NRXN1: variants seen among roughly 807,000 people sequenced by gnomAD.
The protein encoded by NRXN1 is neurexin 1.
NRXN1 carries 39 observed loss-of-function variants against 150.9 expected under a neutral mutation model. That is an observed-to-expected ratio of 0.26 (90% confidence interval 0.20 to 0.34). The LOEUF (loss-of-function observed/expected upper bound fraction) is 0.34, where lower values mean the gene tolerates loss of function less well. NRXN1 is among the 10% of genes least tolerant of loss of function. The pLI, the probability that NRXN1 is intolerant of heterozygous loss-of-function variation, is 1.00. For synonymous variants in NRXN1, 924 were observed against 757.0 expected (o/e 1.22, Z -3.62); for missense variants, 1,815 against 1,949.9 (o/e 0.93, Z 1.30).
chr2:51,026,469 T>C lies in NRXN1; in HGVS notation c.772+1033A>G, dbSNP rs747820384. The C allele has an allele frequency of 1.3e-6, 2 of 1,591,024 alleles. No individual in the cohort carries two copies. Among genetic ancestry groups the C allele is most frequent in the Non-Finnish European group, 1.7e-6 (2 of 1,165,234 alleles). On this transcript the variant is annotated intron_variant, in intron 2 of 22. Coordinates refer to ENST00000401669, the MANE Select transcript of NRXN1 (RefSeq NM_001330078.2). ...AACACACTGAAGACCGAATTTTATT[T>C]CTAAAGAGGAGAAAAGAGAACTTAG...
At chr2:50,878,816 T>C (rs1251733401) in intron 5 of NRXN1, among the ~76,000 whole-genome samples, 1 of 151,984 alleles carries the variant, frequency 6.6e-6, no homozygotes, top group African/African-American at 2.4e-5. Context: ...GAGTTTTTCC[T>C]TCCCCAGGGA....
At chr2:50,477,183 G>C (rs2090060018) in intron 15 of NRXN1, among the ~76,000 whole-genome samples, 1 of 152,048 alleles carries the variant, frequency 6.6e-6, no homozygotes, top group Non-Finnish European at 1.5e-5. Context: ...TATTTATTAA[G>C]TTATGTAAAT....
At chr2:50,942,492 G>T (rs913337106) in intron 2 of NRXN1, among the ~76,000 whole-genome samples, 1 of 152,182 alleles carries the variant, frequency 6.6e-6, no homozygotes, top group Admixed American at 6.5e-5. Context: ...ACCCTACAGA[G>T]CCATGGAGGT....
At chr2:50,244,151 A>T (rs533150826) in intron 17 of NRXN1, among the ~76,000 whole-genome samples, 1 of 152,030 alleles carries the variant, frequency 6.6e-6, no homozygotes, top group East Asian at 1.9e-4. Flanking sequence ...ATTTTATCAC[A>T]TTTTGATGTT....
chr2:50,973,023 C>A (rs941827652), intron 2 of NRXN1, among the ~76,000 whole-genome samples: 1 of 152,182 alleles, frequency 6.6e-6, no homozygotes, highest in African/African-American at 2.4e-5. Context: ...ACATGGCAAT[C>A]TGTACTGGGT....
chr2:50,150,669 T>C (rs2058643899), intron 18 of NRXN1, among the ~76,000 whole-genome samples: 1 of 151,786 alleles, frequency 6.6e-6, no homozygotes, highest in African/African-American at 2.4e-5. Flanking sequence ...TACCTATCTA[T>C]ATTTTTTTGT....
At chr2:50,627,884 T>G (rs189273202) in intron 5 of NRXN1, among the ~76,000 whole-genome samples, 1 of 151,766 alleles carries the variant, frequency 6.6e-6, no homozygotes, top group African/African-American at 2.4e-5. Flanking sequence ...AACACCTGTG[T>G]GTCAGACAGA....
chr2:49,991,977 A>C (rs1682044089), intron 21 of NRXN1, among the ~76,000 whole-genome samples: 1 of 152,230 alleles, frequency 6.6e-6, no homozygotes, highest in Admixed American at 6.5e-5. Context: ...CAAAGGTTAC[A>C]TAATAAAGCA....
rs74389417 is a variant in NRXN1 at position 49,963,943 on chromosome 2, G to A, written c.4129-20152C>T. Among the ~76,000 whole-genome samples the A allele has an allele frequency of 2.4e-3, 369 of 152,178 alleles. 1 individual carries two copies. The highest frequency in any genetic ancestry group is 8.5e-3 in the African/African-American group (354 of 41,500). ...GAGCTGCTGTAACATACCCAGGCCC[G>A]TACTTCATGTGTCCATAACGAAAAG... On this transcript the variant is annotated intron_variant, in intron 21 of 22. Coordinates refer to ENST00000401669, the MANE Select transcript of NRXN1 (RefSeq NM_001330078.2).
At position 50,733,704 on chromosome 2, in the gene NRXN1, T is replaced by C. The variant is rs140580292; in HGVS notation, c.833-110089A>G. On this transcript the variant is annotated intron_variant, in intron 5 of 22. Transcript: ENST00000401669. ...CCAAATTTGCAGATTTTAGAGAAGATTAATATTTGATAATACAGTCTTAAT... is the reference window on the plus strand; with the variant it reads ...CCAAATTTGCAGATTTTAGAGAAGACTAATATTTGATAATACAGTCTTAAT... Among the ~76,000 whole-genome samples the C allele has an allele frequency of 3.4e-3, 525 of 152,230 alleles. 4 individuals carry two copies. The highest frequency in any genetic ancestry group is 0.012 in the African/African-American group (508 of 41,554).
chr2:50,720,275 T>C (rs1222164823), intron 5 of NRXN1, among the ~76,000 whole-genome samples: 1 of 151,982 alleles, frequency 6.6e-6, no homozygotes, highest in South Asian at 2.1e-4. Context: ...ACAAGTAAAA[T>C]AGTGCAAAAT....
At chr2:50,828,302 G>A (rs1431925750) in intron 5 of NRXN1, among the ~76,000 whole-genome samples, 5 of 35,586 alleles carry the variant, frequency 1.4e-4, no homozygotes, top group Admixed American at 2.7e-4. Context: ...CCCGGACGGG[G>A]CGGCTGGCCG....
In NRXN1 at chr2:49,958,442, C is replaced by A. The variant is rs1437606919; in HGVS notation, c.4129-14651G>T. Among the ~76,000 whole-genome samples the A allele has an allele frequency of 3.9e-5, 6 of 152,104 alleles. No homozygotes were observed. The South Asian group carries it at 8.3e-4, about 21-fold the overall frequency. On this transcript the variant is annotated intron_variant, in intron 21 of 22. Coordinates refer to ENST00000401669, the MANE Select transcript of NRXN1 (RefSeq NM_001330078.2). The stretch of plus-strand genomic sequence containing the variant: ...CATTTACAGTCTGTCTCACTCAATT[C>A]TGACATATTTCATTGCAGTTGTTAT...
chr2:50,712,021 C>A (rs1695232310), intron 5 of NRXN1, among the ~76,000 whole-genome samples: 1 of 152,054 alleles, frequency 6.6e-6, no homozygotes. Context: ...GTCACAGCAG[C>A]ACAAAACAGA....
chr2:50,653,071 G>A (rs1460024600), intron 5 of NRXN1, among the ~76,000 whole-genome samples: 1 of 151,822 alleles, frequency 6.6e-6, no homozygotes, highest in Non-Finnish European at 1.5e-5. Flanking sequence ...GGATCATGTT[G>A]ACTCCCACTC....
At chr2:50,140,259 T>C (rs1036665025) in intron 18 of NRXN1, among the ~76,000 whole-genome samples, 1 of 152,140 alleles carries the variant, frequency 6.6e-6, no homozygotes, top group African/African-American at 2.4e-5. Flanking sequence ...ACCAATACAA[T>C]AGAGAGTATT....
intron 6 of NRXN1, among the ~76,000 whole-genome samples, chr2:50,621,775 C>T (rs748314067): frequency 1.3e-5 from 2 of 152,090 alleles, no homozygotes; most frequent in African/African-American, 4.8e-5. Flanking sequence ...AAACTTCCTT[C>T]GGTCATATTG....
At chr2:50,925,993 A>G (rs112297733) in intron 2 of NRXN1, 38 bp from the exon 3 acceptor site, 432 of 1,542,192 alleles carry the variant, frequency 2.8e-4, no homozygotes, top group Non-Finnish European at 3.4e-4. Flanking sequence ...AAAAGGAAAA[A>G]CATTCATTAA....
chr2:50,387,261 T>G, intron 17 of NRXN1, among the ~76,000 whole-genome samples: 1 of 152,298 alleles, frequency 6.6e-6, no homozygotes, highest in Non-Finnish European at 1.5e-5. Context: ...TGCTTGGCAT[T>G]CCTCACAAAG....
Sources: allele counts gnomAD v4.1 joint callset (sites outside exome capture counted in the v4.1 genomes callset), GRCh38; gene constraint gnomAD v4.1.1; transcripts MANE v1.5; gene names NCBI Gene and HGNC (gene_info 2026-07-23, HGNC 2026-07-21).